The following RIMS2 variants were observed in gnomAD, a reference collection of about 807,000 sequenced individuals.
RIMS2 encodes the protein regulating synaptic membrane exocytosis protein 2.
A neutral mutation model predicts 174.4 loss-of-function variants in RIMS2; 59 were observed. That is an observed-to-expected ratio of 0.34 (90% CI 0.27 to 0.42). RIMS2 has a LOEUF of 0.42. Ranked by LOEUF, RIMS2 falls within the 10% of genes least tolerant of loss-of-function variation. The pLI is 1.00. For missense variants in RIMS2, 1,620 were observed against 1,666.3 expected, an observed-to-expected ratio of 0.97 and a Z score of 0.48; for synonymous variants, 606 against 572.5, an observed-to-expected ratio of 1.06 and a Z score of -0.84.
intron 19 of RIMS2, among the ~76,000 whole-genome samples, chr8:104,060,814 C>T (rs943574077): frequency 7.9e-5 from 12 of 152,128 alleles, no homozygotes; most frequent in Non-Finnish European, 1.0e-4. Flanking sequence ...TTTCTGCCTT[C>T]ATTTAGTTAT....
chr8:104,008,783 G>A (rs1242336718), intron 17 of RIMS2, among the ~76,000 whole-genome samples: 1 of 151,704 alleles, frequency 6.6e-6, no homozygotes, highest in Non-Finnish European at 1.5e-5. Flanking sequence ...TAACTTGGCT[G>A]ACTCTAAATA....
chr8:103,975,765 G>T (rs2093361931), intron 16 of RIMS2: 4 of 273,114 alleles, frequency 1.5e-5, no homozygotes, highest in Non-Finnish European at 2.1e-5. Flanking sequence ...TTCAGTCTGT[G>T]GTCAAAGGCC....
intron 14 of RIMS2, 79 bp from the exon 17 acceptor site, chr8:103,960,986 G>A (rs1050594015): frequency 7.6e-5 from 60 of 785,484 alleles, no homozygotes; most frequent in Admixed American, 4.6e-4. Context: ...GAATATTTTC[G>A]TTTGTTTTTC....
chr8:104,108,457 AT>A (rs532104686), intron 19 of RIMS2, among the ~76,000 whole-genome samples: 6 of 148,352 alleles, frequency 4.0e-5, no homozygotes, highest in Admixed American at 6.7e-5. Context: ...ACACCTGGCT[AT>A]TTTTTTTTTA....
intron 19 of RIMS2, among the ~76,000 whole-genome samples, chr8:104,161,773 G>A (rs1038374888): frequency 3.9e-5 from 6 of 152,224 alleles, no homozygotes; most frequent in East Asian, 1.9e-4. Context: ...ATCCACGCTC[G>A]GATTTTATCT....
At chr8:104,224,186 C>T (rs1020064494) in intron 19 of RIMS2, among the ~76,000 whole-genome samples, 19 of 152,290 alleles carry the variant, frequency 1.2e-4, no homozygotes, top group African/African-American at 4.3e-4. Context: ...GAGGGAAATG[C>T]AGCAGCAAAA....
intron 19 of RIMS2, among the ~76,000 whole-genome samples, chr8:104,079,255 T>C (rs2097359864): frequency 6.6e-6 from 1 of 152,010 alleles, no homozygotes; most frequent in South Asian, 2.1e-4. Context: ...TACTTGCAGG[T>C]AAGAGGGTCA....
chr8:103,921,829 G>A, intron 10 of RIMS2, 45 bp downstream of exon 13: 1 of 753,970 alleles, frequency 1.3e-6, no homozygotes, highest in Non-Finnish European at 2.3e-6. Context: ...ATATCAAATA[G>A]TGTTTTTAAA....
chr8:103,748,570 G>T (rs1357142310), intron 2 of RIMS2, among the ~76,000 whole-genome samples: 2 of 152,122 alleles, frequency 1.3e-5, no homozygotes, highest in Non-Finnish European at 2.9e-5. Flanking sequence ...TTTCTTCTCT[G>T]CAAGGTCGTT....
intron 1 of RIMS2, among the ~76,000 whole-genome samples, chr8:103,665,871 A>T (rs1301435647): frequency 6.6e-6 from 1 of 152,194 alleles, no homozygotes; most frequent in East Asian, 1.9e-4. Context: ...TTATAAAACT[A>T]AAAAATGTTT....
intron 3 of RIMS2, among the ~76,000 whole-genome samples, chr8:103,796,153 T>C (rs994713332): frequency 2.6e-5 from 4 of 152,204 alleles, no homozygotes; most frequent in African/African-American, 2.4e-5. Flanking sequence ...TTTTCAACTT[T>C]ATTTACTGCT....
At chr8:104,221,534 T>A (rs1023853862) in intron 19 of RIMS2, among the ~76,000 whole-genome samples, 1 of 152,158 alleles carries the variant, frequency 6.6e-6, no homozygotes, top group African/African-American at 2.4e-5. Flanking sequence ...AAAGTACTCA[T>A]AGAGTTGTCT....
At chr8:103,952,322 C>G (rs2085667482) in intron 14 of RIMS2, among the ~76,000 whole-genome samples, 2 of 152,292 alleles carry the variant, frequency 1.3e-5, no homozygotes, top group South Asian at 4.1e-4. Flanking sequence ...TAGGAGACAC[C>G]TCCCAGTAGG....
intron 2 of RIMS2, among the ~76,000 whole-genome samples, chr8:103,738,702 T>C (rs1008815776): frequency 1.3e-5 from 2 of 151,702 alleles, no homozygotes; most frequent in Non-Finnish European, 2.9e-5. Flanking sequence ...AACAACCCCA[T>C]CAAAAAGTGG....
chr8:104,063,396 C>T (rs116519306), intron 19 of RIMS2, among the ~76,000 whole-genome samples: 115 of 152,280 alleles, frequency 7.6e-4, no homozygotes, highest in African/African-American at 2.7e-3. Context: ...AACAACTCCA[C>T]ATATGACTGT....
intron 1 of RIMS2, among the ~76,000 whole-genome samples, chr8:103,624,445 C>G (rs1275398703): frequency 1.3e-5 from 2 of 152,152 alleles, no homozygotes; most frequent in Non-Finnish European, 2.9e-5. Context: ...CACTGATTTC[C>G]TAGCTCGCAA....
chr8:103,918,584 G>T, intron 9 of RIMS2, 97 bp downstream of exon 12: 1 of 869,580 alleles, frequency 1.1e-6, no homozygotes, highest in Non-Finnish European at 1.9e-6. Context: ...TAAGAAATAT[G>T]ATAACCTTGT....
At chr8:103,896,939 C>T (rs2099283674) in intron 4 of RIMS2, among the ~76,000 whole-genome samples, 1 of 151,560 alleles carries the variant, frequency 6.6e-6, no homozygotes, top group Non-Finnish European at 1.5e-5. Context: ...TATTAAAAAA[C>T]AGTCACAGAA....
In RIMS2 at chr8:103,831,252, A is replaced by C. The variant is rs2098823988; in HGVS notation, c.699-54046A>C. On this transcript the variant is annotated intron_variant, in intron 3 of 23. Transcript: ENST00000504942. ...TGTTTATTCTTGGTTTACAGCATTTACTCCCCCTTCCAAATATGAATAGTC... is the reference window on the plus strand; with the variant it reads ...TGTTTATTCTTGGTTTACAGCATTTCCTCCCCCTTCCAAATATGAATAGTC... 2.6e-5 allele frequency among the ~76,000 whole-genome samples: 4 copies of C among 151,908 alleles called. No homozygotes were observed. The South Asian group carries it at 8.3e-4, about 32-fold the overall frequency.
Sources: gnomAD v4.1 joint callset for allele counts (sites outside exome capture counted in the v4.1 genomes callset) on GRCh38, gnomAD v4.1.1 for gene constraint, MANE v1.5 for transcripts, NCBI Gene and HGNC (gene_info 2026-07-23, HGNC 2026-07-21) for gene names.